KMT2C: variants seen among roughly 807,000 people sequenced by gnomAD.
KMT2C encodes histone-lysine N-methyltransferase 2C.
A neutral mutation model predicts 507.9 loss-of-function variants in KMT2C; 88 were observed. That is an observed-to-expected ratio of 0.17 (90% CI 0.15 to 0.21). The LOEUF (loss-of-function observed/expected upper bound fraction) is 0.21, where lower values mean the gene tolerates loss of function less well. Ranked by LOEUF, KMT2C falls within the 10% of genes least tolerant of loss-of-function variation. The pLI is 1.00. For synonymous variants in KMT2C, 2,049 were observed against 2,080.8 expected, an observed-to-expected ratio of 0.98 and a Z score of 0.42; for missense variants, 4,954 against 5,957.8, an observed-to-expected ratio of 0.83 and a Z score of 5.55.
intron 39 of KMT2C, among the ~76,000 whole-genome samples, chr7:152,173,514 T>C (rs2093057364): frequency 1.3e-5 from 2 of 152,212 alleles, no homozygotes; most frequent in South Asian, 2.1e-4. Flanking sequence ...TGGTGGTCCA[T>C]GATCAAAATT....
Position 152,182,027 on chromosome 7 carries a change from T to C in KMT2C, c.5833A>G (p.Arg1945Gly). Reference protein sequence around the residue: ...PLQMNETTANRPSPVRDLCSS... With the variant: ...PLQMNETTANGPSPVRDLCSS... ...CATAAATCTCTGACAGGGGATGGCC[T>C]ATTTGCTGTTGTCTCATTCATTTGA... is the stretch of plus-strand genomic sequence containing the variant. Residue 1945 changes from arginine to glycine, a missense_variant, in exon 36 of 59, where the codon AGG becomes GGG. By Grantham distance (125) the Arg-to-Gly change is moderately radical. This residue lies in a region of KMT2C where 1,689 missense variants were observed against 1,654.3 expected (regional missense o/e 1.02). Transcript: ENST00000262189. 1 of 1,614,184 alleles carries C rather than the reference T, an allele frequency of 6.2e-7. No individual in the cohort carries two copies. Among genetic ancestry groups the C allele is most frequent in the Non-Finnish European group, 8.5e-7 (1 of 1,180,018 alleles).
Position 152,162,308 on chromosome 7 carries a change from G to C in KMT2C, c.11269C>G (p.Gln3757Glu). 1 of 1,614,240 alleles carries C rather than the reference G, an allele frequency of 6.2e-7. No homozygotes were observed. The highest frequency in any genetic ancestry group is 2.2e-5 in the East Asian group (1 of 44,890). ...NAVACPVSSA[Q>E]SPPHSAGAPA... Reference sequence around the variant, plus strand: ...GCCCCAGCAGAATGGGGAGGACTCTGTGCTGAGGAGACAGGACAGGCTACA... The same window carrying C: ...GCCCCAGCAGAATGGGGAGGACTCTCTGCTGAGGAGACAGGACAGGCTACA... The change falls in exon 43 of 59, where the codon CAG (glutamine) becomes GAG (glutamate). Residue 3757 changes from glutamine (Q) to glutamate (E), a missense_variant. By Grantham distance (29) the Gln-to-Glu change is conservative (BLOSUM62 2). Coordinates refer to ENST00000262189, the MANE Select transcript of KMT2C (RefSeq NM_170606.3).
At chr7:152,267,759 C>A (rs1399046326) in intron 7 of KMT2C, among the ~76,000 whole-genome samples, 1 of 152,162 alleles carries the variant, frequency 6.6e-6, no homozygotes, top group African/African-American at 2.4e-5. Context: ...TAAAACTCCA[C>A]CAATACCTCA....
At chr7:152,159,995 C>T (rs1015825391) in intron 43 of KMT2C, among the ~76,000 whole-genome samples, 5 of 152,194 alleles carry the variant, frequency 3.3e-5, no homozygotes, top group African/African-American at 1.2e-4. Context: ...CTCTGTAGGC[C>T]ATACAGCCCC....
chr7:152,378,114 T>C (rs1295933350), intron 1 of KMT2C, among the ~76,000 whole-genome samples: 1 of 152,222 alleles, frequency 6.6e-6, no homozygotes, highest in African/African-American at 2.4e-5. Flanking sequence ...GTGAAGAGGC[T>C]GTGAAATTGT....
intron 1 of KMT2C, among the ~76,000 whole-genome samples, chr7:152,376,791 G>A (rs1014099107): frequency 6.6e-6 from 1 of 152,286 alleles, no homozygotes; most frequent in African/African-American, 2.4e-5. Context: ...GATCATTGCT[G>A]GAGGTGGCTA....
intron 9 of KMT2C, among the ~76,000 whole-genome samples, chr7:152,255,106 CACTTATATAT>C (rs1251046461): frequency 7.9e-5 from 6 of 75,476 alleles, no homozygotes; most frequent in African/African-American, 2.2e-4. Flanking sequence ...AATCAACTCT[CACTTATATAT>C]ATATATATAT....
At chr7:152,260,252 T>G (rs1055888185) in intron 9 of KMT2C, among the ~76,000 whole-genome samples, 8 of 152,190 alleles carry the variant, frequency 5.3e-5, no homozygotes, top group Non-Finnish European at 8.8e-5. Context: ...TCCCAGAAAT[T>G]ATGTAATTCT....
chr7:152,254,753 A>G (rs567308953), intron 9 of KMT2C, among the ~76,000 whole-genome samples: 3 of 152,308 alleles, frequency 2.0e-5, no homozygotes, highest in Admixed American at 6.5e-5. Context: ...AAACAGAAAC[A>G]TAAGACCAGG....
intron 2 of KMT2C, among the ~76,000 whole-genome samples, chr7:152,352,801 C>G (rs1563960496): frequency 6.6e-6 from 1 of 151,966 alleles, no homozygotes; most frequent in Non-Finnish European, 1.5e-5. Flanking sequence ...TTTAAATGGG[C>G]CTGAAAAATA....
chr7:152,348,620 A>AAAG (rs2097083720), intron 2 of KMT2C, among the ~76,000 whole-genome samples: 1 of 147,384 alleles, frequency 6.8e-6, no homozygotes, highest in Non-Finnish European at 1.5e-5. Context: ...AAAAAAAAAA[A>AAAG]AAAAGAAAGA....
chr7:152,261,930 CAG>C (rs202184385), intron 9 of KMT2C, among the ~76,000 whole-genome samples: 2,820 of 152,250 alleles, frequency 0.019, 47 homozygotes, highest in Non-Finnish European at 0.028. Flanking sequence ...CCCCACTTCC[CAG>C]GTAGCCACAG....
In KMT2C at chr7:152,177,730, T is replaced by C. The variant is rs2129115304; in HGVS notation, c.7723A>G (p.Ser2575Gly). Residue 2575 changes from serine to glycine, a missense_variant, in exon 38 of 59, where the codon AGT becomes GGT. Physicochemically the swap from Ser to Gly is moderately conservative, Grantham distance 56 (BLOSUM62 0). Coordinates refer to ENST00000262189, the MANE Select transcript of KMT2C (RefSeq NM_170606.3). Reference sequence around the variant, plus strand: ...TCTACAACGCTGCCAGGTGGAGCACTGAAAGGCAGCCGTTGCCTTCCGTCA... The same window carrying C: ...TCTACAACGCTGCCAGGTGGAGCACCGAAAGGCAGCCGTTGCCTTCCGTCA... ...APDGRQRLPF[S>G]APPGSVVEAS... The C allele has an allele frequency of 1.2e-6, 2 of 1,614,108 alleles. 1 individual carries two copies. The highest frequency in any genetic ancestry group is 1.7e-6 in the Non-Finnish European group (2 of 1,180,014).
At chr7:152,216,847 T>C (rs1345630600) in intron 23 of KMT2C, among the ~76,000 whole-genome samples, 5 of 152,142 alleles carry the variant, frequency 3.3e-5, no homozygotes, top group Admixed American at 6.5e-5. Context: ...CAAGACACAA[T>C]TGCTCAAGCA....
intron 2 of KMT2C, among the ~76,000 whole-genome samples, chr7:152,336,935 A>G (rs2096941011): frequency 6.6e-6 from 1 of 152,204 alleles, no homozygotes; most frequent in Non-Finnish European, 1.5e-5. Flanking sequence ...ATCTGTAGCC[A>G]CTATCTACGG....
chr7:152,192,525 T>C (rs2093830898), intron 31 of KMT2C, among the ~76,000 whole-genome samples: 1 of 150,874 alleles, frequency 6.6e-6, no homozygotes. Context: ...TGGGCGAAGG[T>C]GTGAGACTCT....
chr7:152,423,066 T>G (rs1341810849), intron 1 of KMT2C, among the ~76,000 whole-genome samples: 2 of 145,364 alleles, frequency 1.4e-5, no homozygotes, highest in Non-Finnish European at 3.0e-5. Context: ...CCCAGCCGGG[T>G]GCGGTGGCTC....
chr7:152,148,746 G>A lies in KMT2C; in HGVS notation c.13181C>T (p.Pro4394Leu), dbSNP rs2129095520. 6.2e-7 allele frequency: 1 copy of A among 1,614,194 alleles called. No individual in the cohort carries two copies. The highest frequency in any genetic ancestry group is 8.5e-7 in the Non-Finnish European group (1 of 1,180,026). The change falls in exon 52 of 59, where the codon CCT becomes CTT. Residue 4394 changes from proline (P) to leucine (L), a missense_variant. Transcript: ENST00000262189. This position sits in a 1 kb window ranked among gnomAD's most constrained non-coding sequence, Gnocchi z 7.1. ...KKLGTSLKPD[P>L]VPKDYRKCCF... ...ACATTTCCGATAGTCTTTGGGCACA[G>A]GATCAGGTTTAAGGGAAGTGCCCAA...
Position 152,146,629 on chromosome 7 carries a change from G to C in KMT2C, c.14001C>G (p.Thr4667=). The part of the protein sequence containing the change: ...YLKGEDLFGL[T]VSAVARIAES... ...CCGCTATGCGTGCCACTGCAGAGAC[G>C]GTCAGGCCAAACAGATCCTCTCCTT... The change falls in exon 53 of 59, where the codon ACC becomes ACG. Residue 4667 remains threonine, a synonymous_variant. Transcript: ENST00000262189. The C allele has an allele frequency of 1.2e-6, 2 of 1,614,104 alleles. No homozygotes were observed. The highest frequency in any genetic ancestry group is 1.7e-6 in the Non-Finnish European group (2 of 1,179,998).
Sources: allele counts gnomAD v4.1 joint callset (sites outside exome capture counted in the v4.1 genomes callset), GRCh38; gene constraint gnomAD v4.1.1; regional missense constraint gnomAD v4.1.1; non-coding constraint Gnocchi (gnomAD v3.1); transcripts MANE v1.5; gene names NCBI Gene and HGNC (gene_info 2026-07-23, HGNC 2026-07-21).